KSR1: variants seen among roughly 807,000 people sequenced by gnomAD.
The protein encoded by KSR1 is kinase suppressor of ras 1.
In KSR1, 35 loss-of-function variants were observed where a neutral mutation model predicts 92.9. The observed-to-expected ratio is 0.38, with a 90% confidence interval of 0.29 to 0.50. KSR1 has a LOEUF of 0.50. KSR1 is among the 20% of genes least tolerant of loss of function. KSR1 has a pLI of 0.94. For missense variants in KSR1, 972 were observed against 1,158.5 expected (o/e 0.84, Z 2.34); for synonymous variants, 467 against 472.6 (o/e 0.99, Z 0.15).
At chr17:27,458,331 G>T (rs1023719639) in intron 1 of KSR1, among the ~76,000 whole-genome samples, 5 of 152,208 alleles carry the variant, frequency 3.3e-5, no homozygotes, top group East Asian at 3.8e-4. Flanking sequence ...GTGAGGCTCA[G>T]TTCCGGGAGG....
chr17:27,563,980 G>GTTTTTTTTTTTTTTTTTTTTTTTTT (rs1567832073), intron 2 of KSR1, among the ~76,000 whole-genome samples: 1 of 82,654 alleles, frequency 1.2e-5, no homozygotes, highest in Non-Finnish European at 2.5e-5. Context: ...GTATTCGGTA[G>GTTTTTTTTTTTTTTTTTTTTTTTTT]CTTTTTTTTT....
At chr17:27,608,733 C>A (rs1304219874) in intron 15 of KSR1, among the ~76,000 whole-genome samples, 1 of 152,152 alleles carries the variant, frequency 6.6e-6, no homozygotes, top group Non-Finnish European at 1.5e-5. Context: ...AAGTTGGGGA[C>A]CCCGCTGTGG....
At chr17:27,467,517 G>A (rs1452520046) in intron 1 of KSR1, among the ~76,000 whole-genome samples, 1 of 152,204 alleles carries the variant, frequency 6.6e-6, no homozygotes, top group Non-Finnish European at 1.5e-5. Context: ...ATATTTCTTT[G>A]AATGTTCCTA....
At chr17:27,531,800 C>T (rs886967518) in intron 1 of KSR1, among the ~76,000 whole-genome samples, 2 of 152,238 alleles carry the variant, frequency 1.3e-5, no homozygotes, top group Non-Finnish European at 2.9e-5. Flanking sequence ...TACTTTATCT[C>T]TCTTTCATCT....
At chr17:27,605,935 C>A (rs1338431894) in intron 14 of KSR1, 122 bp downstream of exon 14, 19 of 1,246,288 alleles carry the variant, frequency 1.5e-5, no homozygotes, top group Admixed American at 8.1e-5. Flanking sequence ...AAGAAGAAAA[C>A]CAAAAATGGG....
chr17:27,557,441 G>A (rs1292862089), intron 2 of KSR1, among the ~76,000 whole-genome samples: 1 of 152,194 alleles, frequency 6.6e-6, no homozygotes, highest in Non-Finnish European at 1.5e-5. Context: ...GCCCACTGTG[G>A]TGGGCACTGC....
rs982022458 is a variant in KSR1 at position 27,577,325 on chromosome 17, G to C, written c.373-167G>C. Reference sequence around the variant, plus strand: ...TGTCTCTGGGAGCCTGGAGGGTGGGGGCCAGGGAGCTCTGCTTGTGTCCCC... The same window carrying C: ...TGTCTCTGGGAGCCTGGAGGGTGGGCGCCAGGGAGCTCTGCTTGTGTCCCC... On this transcript the variant is annotated intron_variant, in intron 2 of 20. Coordinates refer to ENST00000644974, the MANE Select transcript of KSR1 (RefSeq NM_001394583.1). This position sits in a 1 kb window ranked among gnomAD's most constrained non-coding sequence, Gnocchi z 4.5. The C allele has an allele frequency of 2.3e-5, 13 of 577,054 alleles. No individual in the cohort carries two copies. The highest frequency in any genetic ancestry group is 3.9e-5 in the African/African-American group (2 of 51,476). The allele number at this position is 577,054 out of a possible 1,614,324, so 35.7% of individuals were successfully genotyped here.
chr17:27,492,172 G>A (rs756534811), intron 1 of KSR1, among the ~76,000 whole-genome samples: 1 of 152,098 alleles, frequency 6.6e-6, no homozygotes. Context: ...ACGAGTGGGT[G>A]GCTTCAAAAT....
At chr17:27,566,484 G>A (rs910848607) in intron 2 of KSR1, 2 of 399,158 alleles carry the variant, frequency 5.0e-6, no homozygotes, top group Non-Finnish European at 8.8e-6. Flanking sequence ...CTGGGTGACA[G>A]CCAAGGTGTC....
intron 1 of KSR1, among the ~76,000 whole-genome samples, chr17:27,500,052 C>T (rs116531429): frequency 1.2e-4 from 18 of 152,280 alleles, no homozygotes; most frequent in East Asian, 7.7e-4. Context: ...GCACCTTCGG[C>T]GTCTGCCGTT....
At chr17:27,610,892 GC>G (rs1000041688) in intron 17 of KSR1, among the ~76,000 whole-genome samples, 19 of 152,210 alleles carry the variant, frequency 1.2e-4, no homozygotes, top group Middle Eastern at 6.8e-3. Context: ...TCACTCAGTA[GC>G]CCCCCTGTGG....
At chr17:27,474,516 T>C (rs1261627073) in intron 1 of KSR1, among the ~76,000 whole-genome samples, 1 of 152,238 alleles carries the variant, frequency 6.6e-6, no homozygotes, top group African/African-American at 2.4e-5. Context: ...GGCAAGTTGC[T>C]TACCCTTTCT....
Position 27,597,408 on chromosome 17 carries a change from C to G in KSR1, c.1440C>G (p.Gly480=), listed in dbSNP as rs1222582419. ...CCACGCCCCCCAACCCCTCACCTGG[C>G]CAGCGGGACAGCAGGTTCAACTTCC... The part of the protein sequence containing the change: ...SATTPPNPSP[G]QRDSRFNFPA... Residue 480 remains glycine (G), a synonymous_variant, in exon 10 of 21, where the codon GGC becomes GGG. Transcript: ENST00000644974. 2 of 1,610,896 alleles carry G rather than the reference C, an allele frequency of 1.2e-6. No homozygotes were observed. Among genetic ancestry groups the G allele is most frequent in the African/African-American group, 2.7e-5 (2 of 74,870 alleles).
chr17:27,529,894 A>G (rs1567796796), intron 1 of KSR1, among the ~76,000 whole-genome samples: 1 of 152,182 alleles, frequency 6.6e-6, no homozygotes, highest in Non-Finnish European at 1.5e-5. Context: ...TTGCAACTTG[A>G]TATCTTTGGC....
chr17:27,605,248 G>A (rs992676619), intron 13 of KSR1, among the ~76,000 whole-genome samples, 186 bp from the exon 14 acceptor site: 1 of 152,370 alleles, frequency 6.6e-6, no homozygotes, highest in African/African-American at 2.4e-5. Context: ...TTGTGGATGA[G>A]GACATTGAGG....
chr17:27,494,533 T>C (rs1441223661), intron 1 of KSR1, among the ~76,000 whole-genome samples: 1 of 152,144 alleles, frequency 6.6e-6, no homozygotes, highest in Non-Finnish European at 1.5e-5. Context: ...GGACCCAGGG[T>C]GTCAGCCCCC....
rs567112301 is a variant in KSR1, at chr17:27,461,974, C to A, written c.231+5100C>A. On this transcript the variant is annotated intron_variant, in intron 1 of 20. Transcript: ENST00000644974. ...TGTGGCCAAGTCTCTCTAAGCTATG[C>A]CTTTTTAAAAGGCCATCCTTTCAGA... 1.2e-4 allele frequency among the ~76,000 whole-genome samples: 17 copies of A among 146,432 alleles called. 1 individual carries two copies. The highest frequency in any genetic ancestry group is 4.2e-4 in the African/African-American group (17 of 40,258).
At chr17:27,488,718 C>T (rs1022602949) in intron 1 of KSR1, among the ~76,000 whole-genome samples, 1 of 152,196 alleles carries the variant, frequency 6.6e-6, no homozygotes, top group Non-Finnish European at 1.5e-5. Flanking sequence ...GTAATCCCAG[C>T]ACTTTGGGAG....
chr17:27,538,915 C>A (rs2070857630), intron 1 of KSR1, among the ~76,000 whole-genome samples: 1 of 152,188 alleles, frequency 6.6e-6, no homozygotes, highest in Non-Finnish European at 1.5e-5. Context: ...ACAGTCACAT[C>A]CCTGGAAAGA....
Sources: allele counts gnomAD v4.1 joint callset (sites outside exome capture counted in the v4.1 genomes callset), GRCh38; gene constraint gnomAD v4.1.1; non-coding constraint Gnocchi (gnomAD v3.1); transcripts MANE v1.5; gene names NCBI Gene and HGNC (gene_info 2026-07-23, HGNC 2026-07-21).